The following NCF4 variants were observed in gnomAD, a reference collection of about 807,000 sequenced individuals.
NCF4 encodes neutrophil cytosolic factor 4.
NCF4 carries 30 observed loss-of-function variants against 41.7 expected under a neutral mutation model. The observed-to-expected ratio is 0.72, with a 90% CI of 0.54 to 0.97. The LOEUF is 0.97. Ranked by LOEUF, NCF4 falls within the 50% of genes least tolerant of loss-of-function variation. The pLI is 0.00. For missense variants in NCF4, 432 were observed against 460.9 expected, an observed-to-expected ratio of 0.94 and a Z score of 0.57; for synonymous variants, 195 against 175.8, an observed-to-expected ratio of 1.11 and a Z score of -0.87.
chr22:36,864,903 C>A lies in NCF4; in HGVS notation c.118-16C>A, dbSNP rs1248010203. On this transcript the variant is annotated splice_polypyrimidine_tract_variant and intron_variant, in intron 2 of 9. Transcript: ENST00000248899. Reference sequence around the variant, plus strand: ...CCTGGCCCCTGAGCCCTCCCCACAACCTCTGTCCTCCTTAGGTTTTCGTCA... The same window carrying A: ...CCTGGCCCCTGAGCCCTCCCCACAAACTCTGTCCTCCTTAGGTTTTCGTCA... The A allele has an allele frequency of 2.5e-6, 4 of 1,613,998 alleles. No homozygotes were observed. Among genetic ancestry groups the A allele is most frequent in the Non-Finnish European group, 3.4e-6 (4 of 1,180,010 alleles).
At chr22:36,867,525 C>T (rs564821226) in intron 4 of NCF4, 63 bp downstream of exon 4, 105 of 1,552,014 alleles carry the variant, frequency 6.8e-5, no homozygotes, top group East Asian at 2.3e-4. Flanking sequence ...GGGGAGCCCA[C>T]GTACCATCCC....
At chr22:36,873,567 G>A (rs1456230962) in intron 7 of NCF4, among the ~76,000 whole-genome samples, 2 of 152,136 alleles carry the variant, frequency 1.3e-5, no homozygotes, top group Non-Finnish European at 2.9e-5. Context: ...CTTTGGGGAG[G>A]CAGGTGTTCG....
intron 6 of NCF4, 32 bp downstream of exon 6, chr22:36,871,741 C>A: frequency 6.4e-7 from 1 of 1,551,210 alleles, no homozygotes; most frequent in Non-Finnish European, 8.7e-7. Context: ...GCCAGGCTCT[C>A]ACACTGTGGG....
rs1408114669 is a variant in NCF4, at chr22:36,864,139, A to T, written c.117+10A>T. ...CTTCACCAGCCACTTTGTAAGACAG[A>T]CTCCTAGTCCTTCACCCAACAACCT... On this transcript the variant is annotated intron_variant, in intron 2 of 9. Transcript: ENST00000248899. 1.9e-6 allele frequency: 3 copies of T among 1,606,194 alleles called. No homozygotes were observed. The highest frequency in any genetic ancestry group is 2.6e-6 in the Non-Finnish European group (3 of 1,173,108).
intron 1 of NCF4, among the ~76,000 whole-genome samples, chr22:36,861,923 A>G (rs1457415026): frequency 2.0e-5 from 3 of 152,180 alleles, no homozygotes; most frequent in Admixed American, 6.5e-5. Flanking sequence ...AAAAGGTCTT[A>G]GATTCTTCTA....
At chr22:36,867,845 C>CAT (rs1312393132) in intron 4 of NCF4, among the ~76,000 whole-genome samples, 2 of 152,236 alleles carry the variant, frequency 1.3e-5, no homozygotes, top group African/African-American at 4.8e-5. Flanking sequence ...CACACGGAGA[C>CAT]ATATGTGTGC....
In NCF4 at chr22:36,861,253, G is replaced by T. The variant is rs772170450; in HGVS notation, c.32+50G>T. On this transcript the variant is annotated intron_variant, in intron 1 of 9. Coordinates refer to ENST00000248899, the MANE Select transcript of NCF4 (RefSeq NM_000631.5). ...CCGGGCCTTCTCACTGCTCCTCATA[G>T]GCCTTAGGGACAAAGGCCAGTCCTT... is the stretch of plus-strand genomic sequence containing the variant. 6 of 1,546,200 alleles carry T rather than the reference G, an allele frequency of 3.9e-6. No individual in the cohort carries two copies. The South Asian group carries it at 7.1e-5, about 18-fold the overall frequency.
intron 6 of NCF4, 44 bp from the exon 7 acceptor site, chr22:36,872,283 G>C: frequency 7.1e-7 from 1 of 1,410,308 alleles, no homozygotes; most frequent in South Asian, 1.2e-5. Context: ...TAGGAACTCA[G>C]TGAGTGTTCT....
chr22:36,871,512 A>C, intron 5 of NCF4, 140 bp from the exon 6 acceptor site: 6 of 900,902 alleles, frequency 6.7e-6, no homozygotes, highest in African/African-American at 1.7e-5. Flanking sequence ...CGCCCAGAGG[A>C]GCAATTGCAG....
At chr22:36,868,861 A>G (rs1939989952) in intron 4 of NCF4, among the ~76,000 whole-genome samples, 1 of 152,040 alleles carries the variant, frequency 6.6e-6, no homozygotes. Flanking sequence ...GTGCTTGCAT[A>G]CCCTCAGAGA....
intron 1 of NCF4, 27 bp downstream of exon 1, chr22:36,861,230 G>A (rs748174612): frequency 2.3e-5 from 35 of 1,551,122 alleles, no homozygotes; most frequent in Non-Finnish European, 2.7e-5. Context: ...GGCCGCCCCC[G>A]GGCCTTCTCA....
intron 7 of NCF4, among the ~76,000 whole-genome samples, chr22:36,872,947 ATT>A (rs1940108226): frequency 6.8e-5 from 4 of 58,862 alleles, no homozygotes; most frequent in African/African-American, 3.7e-4. Flanking sequence ...TGGAGGTGAG[ATT>A]GGAGGTGAGA....
chr22:36,877,970 C>A lies in NCF4; in HGVS notation c.*147C>A, dbSNP rs948596253. Reference sequence around the variant, plus strand: ...CGTGGGGCTTGTAATCTGTCTCTTTCTACTATTTACATCTGATTTAAATAA... The same window carrying A: ...CGTGGGGCTTGTAATCTGTCTCTTTATACTATTTACATCTGATTTAAATAA... On this transcript the variant is annotated 3_prime_UTR_variant, in exon 10 of 10. Coordinates refer to ENST00000248899, the MANE Select transcript of NCF4 (RefSeq NM_000631.5). 1 of 753,766 alleles carries A rather than the reference C, an allele frequency of 1.3e-6. No homozygotes were observed. Among genetic ancestry groups the A allele is most frequent in the Non-Finnish European group, 2.1e-6 (1 of 469,250 alleles). The allele number at this position is 753,766 out of a possible 1,614,324, so 46.7% of individuals were successfully genotyped here. A position where few individuals can be genotyped will look rare whatever the true frequency, so the allele number is the denominator to read the frequency against.
At chr22:36,874,228 A>G (rs1303197125) in intron 7 of NCF4, among the ~76,000 whole-genome samples, 1 of 152,220 alleles carries the variant, frequency 6.6e-6, no homozygotes, top group Non-Finnish European at 1.5e-5. Flanking sequence ...GTTCTGACTC[A>G]GTGAGTGGAG....
chr22:36,872,671 A>T lies in NCF4; in HGVS notation c.627+246A>T, dbSNP rs867201219. 5.7e-3 allele frequency among the ~76,000 whole-genome samples: 143 copies of T among 24,912 alleles called. 1 individual carries two copies. The highest frequency in any genetic ancestry group is 0.045 in the Middle Eastern group (2 of 44). 16.3% of individuals were successfully genotyped at this position (24,912 alleles called of 152,430 possible). A position where few individuals can be genotyped will look rare whatever the true frequency, so the allele number is the denominator to read the frequency against. Reference sequence around the variant, plus strand: ...AGTGGAGATGAGATTGGAGGTGAGGATGGAGGTGAGATTGGAGGTAAGGTT... The same window carrying T: ...AGTGGAGATGAGATTGGAGGTGAGGTTGGAGGTGAGATTGGAGGTAAGGTT... On this transcript the variant is annotated intron_variant, in intron 7 of 9. Coordinates refer to ENST00000248899, the MANE Select transcript of NCF4 (RefSeq NM_000631.5).
At chr22:36,862,771 A>G (rs741997) in intron 1 of NCF4, among the ~76,000 whole-genome samples, 15,417 of 152,272 alleles carry the variant, frequency 0.1, 983 homozygotes, top group African/African-American at 0.17. Flanking sequence ...GGGACTTTCT[A>G]GAACCCCAAG....
Position 36,877,803 on chromosome 22 carries a change from G to C in NCF4, c.1000G>C (p.Val334Leu). The change falls in exon 10 of 10, where the codon GTC (valine) becomes CTC (leucine). Residue 334 changes from valine to leucine, a missense_variant. Coordinates refer to ENST00000248899, the MANE Select transcript of NCF4 (RefSeq NM_000631.5). Reference sequence around the variant, plus strand: ...CATCACGCAGAAGGACAACTACAGGGTCTACAACACGATGCCATGAGCTGA... The same window carrying C: ...CATCACGCAGAAGGACAACTACAGGCTCTACAACACGATGCCATGAGCTGA... ...LHITQKDNYR[V>L]YNTMP The C allele has an allele frequency of 2.5e-6, 4 of 1,613,882 alleles. No homozygotes were observed. The highest frequency in any genetic ancestry group is 3.4e-6 in the Non-Finnish European group (4 of 1,179,910).
intron 4 of NCF4, among the ~76,000 whole-genome samples, chr22:36,867,852 G>A (rs565960202): frequency 1.3e-5 from 2 of 152,214 alleles, no homozygotes; most frequent in Non-Finnish European, 2.9e-5. Flanking sequence ...AGACATATGT[G>A]TGCCTCCATC....
intron 7 of NCF4, among the ~76,000 whole-genome samples, chr22:36,872,999 G>A (rs1043745483): frequency 1.3e-5 from 2 of 150,334 alleles, no homozygotes; most frequent in Non-Finnish European, 3.0e-5. Flanking sequence ...GGCGAGAGTG[G>A]AGGTGAGGAT....
Sources: allele counts gnomAD v4.1 joint callset (sites outside exome capture counted in the v4.1 genomes callset), GRCh38; gene constraint gnomAD v4.1.1; transcripts MANE v1.5; gene names NCBI Gene and HGNC (gene_info 2026-07-23, HGNC 2026-07-21).